Variants in GAB1 observed in about 807,000 individuals in gnomAD.
GAB1 encodes GRB2 associated binding protein 1, also known as GRB2-associated-binding protein 1.
GAB1 carries 19 observed loss-of-function variants against 66.5 expected under a neutral mutation model. That is an observed-to-expected ratio of 0.29 (90% CI 0.20 to 0.42). The LOEUF is 0.42. GAB1 is among the 10% of genes least tolerant of loss of function. The pLI is 1.00. For synonymous variants in GAB1, 294 were observed against 301.4 expected (o/e 0.98, Z 0.25); for missense variants, 732 against 858.5 (o/e 0.85, Z 1.84).
rs1736176332 is a variant in GAB1, at chr4:143,473,805, A to G, written c.*4616A>G. The G allele has an allele frequency of 6.6e-6, 1 of 152,174 alleles. No individual in the cohort carries two copies. Among genetic ancestry groups the G allele is most frequent in the Non-Finnish European group, 1.5e-5 (1 of 68,016 alleles). The allele number at this position is 152,174 out of a possible 1,614,324, so 9.4% of individuals were successfully genotyped here. A position where few individuals can be genotyped will look rare whatever the true frequency, so the allele number is the denominator to read the frequency against. On this transcript the variant is annotated 3_prime_UTR_variant, in exon 10 of 10. Transcript: ENST00000262994. Reference sequence around the variant, plus strand: ...TTGCTGTAAGTCAGCACTTTGGTCCACTCAGCCCACCCAGCCCACTTGCAA... The same window carrying G: ...TTGCTGTAAGTCAGCACTTTGGTCCGCTCAGCCCACCCAGCCCACTTGCAA...
intron 1 of GAB1, among the ~76,000 whole-genome samples, chr4:143,398,471 A>G (rs551718879): frequency 6.6e-6 from 1 of 152,242 alleles, no homozygotes; most frequent in African/African-American, 2.4e-5. Flanking sequence ...TGTAATAATC[A>G]TGAGTTACAC....
At chr4:143,400,788 C>T (rs1260006468) in intron 1 of GAB1, among the ~76,000 whole-genome samples, 1 of 151,904 alleles carries the variant, frequency 6.6e-6, no homozygotes, top group Non-Finnish European at 1.5e-5. Flanking sequence ...GCCAACATAA[C>T]GAAACCCCAT....
At chr4:143,413,801 A>AGCATCCCC (rs1476242246) in intron 1 of GAB1, among the ~76,000 whole-genome samples, 2 of 141,354 alleles carry the variant, frequency 1.4e-5, no homozygotes, top group African/African-American at 5.6e-5. Context: ...CACTTCCCAG[A>AGCATCCCC]GCATCCCCAC....
chr4:143,416,493 G>A (rs556015697), intron 2 of GAB1, among the ~76,000 whole-genome samples: 4 of 152,198 alleles, frequency 2.6e-5, no homozygotes, highest in Middle Eastern at 3.4e-3. Flanking sequence ...GATTATGGCC[G>A]GGCACAGTGG....
chr4:143,462,052 AC>A (rs2149793263), intron 8 of GAB1, among the ~76,000 whole-genome samples: 1 of 152,230 alleles, frequency 6.6e-6, no homozygotes, highest in African/African-American at 2.4e-5. Flanking sequence ...CCTAGTTCAC[AC>A]CTAGCCTGGG....
chr4:143,423,730 C>G (rs1275784293), intron 2 of GAB1, among the ~76,000 whole-genome samples: 2 of 140,934 alleles, frequency 1.4e-5, no homozygotes. Flanking sequence ...TGAGCCAGAT[C>G]GCGCCACTGC....
intron 8 of GAB1, among the ~76,000 whole-genome samples, chr4:143,463,554 C>A (rs961492773): frequency 8.4e-5 from 12 of 142,420 alleles, no homozygotes; most frequent in Non-Finnish European, 1.3e-4. Context: ...GCCCAGGAGA[C>A]AGAGATTGCA....
Position 143,413,821 on chromosome 4 carries a change from G to GC in GAB1, c.73-1653dup, listed in dbSNP as rs1372052925. Among the ~76,000 whole-genome samples, 584 of 112,082 alleles carry GC rather than the reference G, an allele frequency of 5.2e-3. 30 individuals are homozygous for GC. Among genetic ancestry groups the GC allele is most frequent in the African/African-American group, 0.025 (553 of 22,220 alleles). 73.5% of individuals were successfully genotyped at this position (112,082 alleles called of 152,430 possible). On this transcript the variant is annotated intron_variant, in intron 1 of 9. Transcript: ENST00000262994. ...CCCAGAGCATCCCCACCACCCCGCT[G>GC]CCCTTTTTTTTTTTTTTTTTTTTTT...
In GAB1 at chr4:143,438,400, C is replaced by T; in HGVS notation, c.995C>T (p.Ser332Leu). 1 of 1,614,052 alleles carries T rather than the reference C, an allele frequency of 6.2e-7. No homozygotes were observed. The highest frequency in any genetic ancestry group is 2.2e-5 in the East Asian group (1 of 44,868). ...CCAGAAGGAACCTTGGGACAGACAT[C>T]AAAGCTAGACACTATTCCAGATATT... is the stretch of plus-strand genomic sequence containing the variant. ...TFPEGTLGQT[S>L]KLDTIPDIPP... Residue 332 changes from serine to leucine, a missense_variant, in exon 4 of 10, where the codon TCA becomes TTA. Around this residue, in one of 4 missense-constraint regions of GAB1, gnomAD observed 427 missense variants for 420.6 expected, o/e 1.02. Coordinates refer to ENST00000262994, the MANE Select transcript of GAB1 (RefSeq NM_002039.4).
At chr4:143,341,368 C>G (rs1218929531) in intron 1 of GAB1, among the ~76,000 whole-genome samples, 3 of 152,146 alleles carry the variant, frequency 2.0e-5, no homozygotes, top group East Asian at 1.9e-4. Flanking sequence ...GAAATTTTAG[C>G]TGAAATAAGA....
chr4:143,411,550 C>T (rs1560750591), intron 1 of GAB1, among the ~76,000 whole-genome samples: 1 of 152,188 alleles, frequency 6.6e-6, no homozygotes, highest in Non-Finnish European at 1.5e-5. Context: ...TCTGCTCCTG[C>T]TCTGCAGGAT....
At chr4:143,423,814 A>C (rs1166964355) in intron 2 of GAB1, among the ~76,000 whole-genome samples, 1 of 124,302 alleles carries the variant, frequency 8.0e-6, no homozygotes, top group Non-Finnish European at 1.7e-5. Flanking sequence ...ATATATATAT[A>C]TATATATATA....
At chr4:143,425,478 A>G (rs1195593761) in intron 2 of GAB1, 1 of 760,892 alleles carries the variant, frequency 1.3e-6, no homozygotes, top group African/African-American at 1.7e-5. Context: ...CCTACCTACC[A>G]TTGCTCTGTG....
chr4:143,433,634 C>G lies in GAB1; in HGVS notation c.511C>G (p.Leu171Val). 1 of 1,614,008 alleles carries G rather than the reference C, an allele frequency of 6.2e-7. No individual in the cohort carries two copies. Among genetic ancestry groups the G allele is most frequent in the Non-Finnish European group, 8.5e-7 (1 of 1,179,906 alleles). ...TCAGCTAATCAATGTTCCACCACACCTGGAAACTCTTGGCATTCAGGAGGA... is the reference window on the plus strand; with the variant it reads ...TCAGCTAATCAATGTTCCACCACACGTGGAAACTCTTGGCATTCAGGAGGA... ...PYQLINVPPHLETLGIQEDPQ... is the reference protein window; with the variant it reads ...PYQLINVPPHVETLGIQEDPQ... Residue 171 changes from leucine (L) to valine (V), a missense_variant, in exon 3 of 10, where the codon CTG becomes GTG. By Grantham distance (32) the Leu-to-Val change is conservative (BLOSUM62 1). Coordinates refer to ENST00000262994, the MANE Select transcript of GAB1 (RefSeq NM_002039.4).
intron 6 of GAB1, among the ~76,000 whole-genome samples, chr4:143,443,892 T>C (rs1169855479): frequency 6.6e-6 from 1 of 152,234 alleles, no homozygotes; most frequent in Admixed American, 6.5e-5. Context: ...ATAGATGTTC[T>C]GAACACTTAA....
In GAB1 at chr4:143,471,371, GAATTA is replaced by G. The variant is rs1370030857; in HGVS notation, c.*2190_*2194del. Reference sequence around the variant, plus strand: ...AAATCACATTGAACATTGTATTAGAGAATTAAATTAAAAGTTTCTTACAGAGCAGT... The same window carrying G: ...AAATCACATTGAACATTGTATTAGAGAATTAAAAGTTTCTTACAGAGCAGT... On this transcript the variant is annotated 3_prime_UTR_variant, in exon 10 of 10. Transcript: ENST00000262994. The G allele has an allele frequency of 1.3e-5, 2 of 152,240 alleles. No individual in the cohort carries two copies. Among genetic ancestry groups the G allele is most frequent in the Non-Finnish European group, 2.9e-5 (2 of 67,998 alleles). The allele number at this position is 152,240 out of a possible 1,614,324, so 9.4% of individuals were successfully genotyped here. A position where few individuals can be genotyped will look rare whatever the true frequency, so the allele number is the denominator to read the frequency against.
In GAB1 at chr4:143,419,469, TCTTGA is replaced by T. The variant is rs1732896970; in HGVS notation, c.367+3703_367+3707del. On this transcript the variant is annotated intron_variant, in intron 2 of 9. Coordinates refer to ENST00000262994, the MANE Select transcript of GAB1 (RefSeq NM_002039.4). Reference sequence around the variant, plus strand: ...GAGGTATATTTAGGTTGAGTGTAACTCTTGACTTGTGAACTTTTCATCTTTACAAT... The same window carrying T: ...GAGGTATATTTAGGTTGAGTGTAACTCTTGTGAACTTTTCATCTTTACAAT... 2.6e-5 allele frequency among the ~76,000 whole-genome samples: 4 copies of T among 152,272 alleles called. No homozygotes were observed. The South Asian group carries it at 8.3e-4, about 32-fold the overall frequency.
rs77856032 is a variant in GAB1, at chr4:143,473,828, C to G, written c.*4639C>G. On this transcript the variant is annotated 3_prime_UTR_variant, in exon 10 of 10. Transcript: ENST00000262994. ...CCACTCAGCCCACCCAGCCCACTTG[C>G]AACTCTGACTCTTCACTGAATCATA... 1.5e-3 allele frequency: 233 copies of G among 152,332 alleles called. No individual in the cohort carries two copies. Among genetic ancestry groups the G allele is most frequent in the African/African-American group, 5.1e-3 (214 of 41,566 alleles). 9.4% of individuals were successfully genotyped at this position (152,332 alleles called of 1,614,324 possible). A position where few individuals can be genotyped will look rare whatever the true frequency, so the allele number is the denominator to read the frequency against.
intron 1 of GAB1, among the ~76,000 whole-genome samples, chr4:143,379,189 CA>C (rs1209963312): frequency 6.6e-6 from 1 of 152,006 alleles, no homozygotes; most frequent in Non-Finnish European, 1.5e-5. Flanking sequence ...AACAAAGAGG[CA>C]AGTTGAAAAG....
Sources: gnomAD v4.1 joint callset for allele counts (sites outside exome capture counted in the v4.1 genomes callset) on GRCh38, gnomAD v4.1.1 for gene constraint, gnomAD v4.1.1 regional missense constraint, MANE v1.5 for transcripts, NCBI Gene and HGNC (gene_info 2026-07-23, HGNC 2026-07-21) for gene names.